The following ABHD14A variants were observed in gnomAD, a reference collection of about 807,000 sequenced individuals.
ABHD14A encodes abhydrolase domain containing 14A.
A neutral mutation model predicts 27.0 loss-of-function variants in ABHD14A; 19 were observed. That is an observed-to-expected ratio of 0.70 (90% confidence interval 0.49 to 1.03). The LOEUF (loss-of-function observed/expected upper bound fraction) is 1.03, where lower values mean the gene tolerates loss of function less well. Ranked by LOEUF, ABHD14A falls within the 50% of genes least tolerant of loss-of-function variation. The probability of loss-of-function intolerance (pLI) is 0.00; values close to 1 mark genes in which losing one functional copy is unlikely to be tolerated. For missense variants in ABHD14A, 311 were observed against 344.6 expected (o/e 0.90, Z 0.77); for synonymous variants, 148 against 158.8 (o/e 0.93, Z 0.51).
Position 51,976,556 on chromosome 3 carries a change from A to G in ABHD14A, c.70-1315A>G, listed in dbSNP as rs183122263. Among the ~76,000 whole-genome samples the G allele has an allele frequency of 1.6e-3, 245 of 152,286 alleles. 1 individual carries two copies. Among genetic ancestry groups the G allele is most frequent in the African/African-American group, 4.8e-3 (200 of 41,578 alleles). On this transcript the variant is annotated intron_variant, in intron 1 of 4. Transcript: ENST00000273596. ...CCGGGCGCGGTGGCGGGAGCCTGTA[A>G]TCCCACTATTCGGGAGGCTGAGGCA... is the stretch of plus-strand genomic sequence containing the variant.
At chr3:51,980,303 TG>T in intron 3 of ABHD14A, 89 bp from the exon 4 acceptor site, 1 of 1,187,862 alleles carries the variant, frequency 8.4e-7, no homozygotes, top group Non-Finnish European at 1.2e-6. Flanking sequence ...CCAGTGCCAG[TG>T]GTCCCCAACT....
intron 2 of ABHD14A, 48 bp from the exon 3 acceptor site, chr3:51,978,211 T>C (rs1200305361): frequency 6.5e-7 from 1 of 1,533,436 alleles, no homozygotes; most frequent in Admixed American, 2.0e-5. Context: ...TAAAGAAAGG[T>C]GGGCTACACC....
rs1006115737 is a variant in ABHD14A, at chr3:51,981,120, C to T, written c.*102C>T. 8 of 1,354,730 alleles carry T rather than the reference C, an allele frequency of 5.9e-6. No homozygotes were observed. Among genetic ancestry groups the T allele is most frequent in the African/African-American group, 1.5e-5 (1 of 66,742 alleles). 83.9% of individuals were successfully genotyped at this position (1,354,730 alleles called of 1,614,324 possible). A position where few individuals can be genotyped will look rare whatever the true frequency, so the allele number is the denominator to read the frequency against. The stretch of plus-strand genomic sequence containing the variant: ...AGCCTCTGGGATTGGAGGCCAGAGG[C>T]CAGGGTCAGACCCAGCCAGGACTCC... On this transcript the variant is annotated 3_prime_UTR_variant, in exon 5 of 5. Transcript: ENST00000273596.
intron 1 of ABHD14A, among the ~76,000 whole-genome samples, chr3:51,975,761 G>C (rs553401099): frequency 6.6e-6 from 1 of 152,304 alleles, no homozygotes; most frequent in East Asian, 1.9e-4. Context: ...GCGTGATGTA[G>C]AGGGTACCAT....
chr3:51,979,536 G>A (rs1700869354), intron 3 of ABHD14A, among the ~76,000 whole-genome samples: 2 of 148,968 alleles, frequency 1.3e-5, no homozygotes, highest in Non-Finnish European at 1.5e-5. Context: ...CCTGGCTGGA[G>A]TGCAGTGGCT....
intron 1 of ABHD14A, among the ~76,000 whole-genome samples, chr3:51,977,318 T>A (rs1282633768): frequency 1.3e-5 from 2 of 152,162 alleles, no homozygotes; most frequent in Admixed American, 6.6e-5. Context: ...CCTGCAAGGC[T>A]CCAGTTCATC....
chr3:51,979,239 C>T (rs763952388), intron 3 of ABHD14A, among the ~76,000 whole-genome samples: 2 of 152,152 alleles, frequency 1.3e-5, no homozygotes, highest in African/African-American at 2.4e-5. Context: ...AGGATCATGC[C>T]GGTCCCTACA....
rs1700760350 is a variant in ABHD14A, at chr3:51,975,214, C to T, written c.69+10C>T. 3.2e-6 allele frequency: 4 copies of T among 1,253,644 alleles called. No individual in the cohort carries two copies. Among genetic ancestry groups the T allele is most frequent in the Non-Finnish European group, 4.0e-6 (4 of 998,698 alleles). 77.7% of individuals were successfully genotyped at this position (1,253,644 alleles called of 1,614,324 possible). A position where few individuals can be genotyped will look rare whatever the true frequency, so the allele number is the denominator to read the frequency against. On this transcript the variant is annotated intron_variant, in intron 1 of 4. Transcript: ENST00000273596. Reference sequence around the variant, plus strand: ...CATCCCGTTGGGCCCGGTGAGTCTCCCGGGGGAGGGAGGCCGGCCGGTGGC... The same window carrying T: ...CATCCCGTTGGGCCCGGTGAGTCTCTCGGGGGAGGGAGGCCGGCCGGTGGC...
intron 3 of ABHD14A, chr3:51,978,822 C>T (rs560990702): frequency 1.2e-4 from 27 of 229,742 alleles, no homozygotes; most frequent in Non-Finnish European, 2.3e-4. Context: ...GAACTCCCGA[C>T]CTCAGGTGAT....
intron 3 of ABHD14A, 166 bp downstream of exon 3, chr3:51,978,540 A>G: frequency 4.3e-6 from 2 of 468,442 alleles, no homozygotes; most frequent in South Asian, 1.0e-4. Flanking sequence ...ATTCTAGGTC[A>G]TGGAGCAAAT....
At chr3:51,976,531 C>A (rs1177001917) in intron 1 of ABHD14A, among the ~76,000 whole-genome samples, 2 of 152,164 alleles carry the variant, frequency 1.3e-5, no homozygotes, top group African/African-American at 4.8e-5. Flanking sequence ...CAAAAATTAG[C>A]CGGGCGCGGT....
At chr3:51,977,826 A>G in intron 1 of ABHD14A, 45 bp from the exon 2 acceptor site, 1 of 1,550,554 alleles carries the variant, frequency 6.4e-7, no homozygotes, top group Non-Finnish European at 8.9e-7. Context: ...GGGTCCTTGT[A>G]GGGACTCAGT....
chr3:51,981,119 G>A lies in ABHD14A; in HGVS notation c.*101G>A. ...CAGCCTCTGGGATTGGAGGCCAGAG[G>A]CCAGGGTCAGACCCAGCCAGGACTC... On this transcript the variant is annotated 3_prime_UTR_variant, in exon 5 of 5. Transcript: ENST00000273596. 1 of 1,358,798 alleles carries A rather than the reference G, an allele frequency of 7.4e-7. No homozygotes were observed. Among genetic ancestry groups the A allele is most frequent in the Non-Finnish European group, 1.0e-6 (1 of 980,284 alleles). The allele number at this position is 1,358,798 out of a possible 1,614,324, so 84.2% of individuals were successfully genotyped here.
Position 51,975,087 on chromosome 3 carries a change from CT to C in ABHD14A, c.-48del, listed in dbSNP as rs1700752460. The C allele has an allele frequency of 7.8e-7, 1 of 1,275,040 alleles. No homozygotes were observed. Among genetic ancestry groups the C allele is most frequent in the African/African-American group, 1.6e-5 (1 of 64,404 alleles). The allele number at this position is 1,275,040 out of a possible 1,614,324, so 79.0% of individuals were successfully genotyped here. On this transcript the variant is annotated 5_prime_UTR_variant, in exon 1 of 5. It removes the in-frame stop codon of an upstream open reading frame in the 5' UTR. Coordinates refer to ENST00000273596, the MANE Select transcript of ABHD14A (RefSeq NM_015407.5). ...GCGCAGGCGCGCCGAGATGGCCGCG[CT>C]CCTGGCCGCCTAGAGCCGGAGCGGC...
chr3:51,981,075 C>A lies in ABHD14A; in HGVS notation c.*57C>A, dbSNP rs1700900484. The A allele has an allele frequency of 3.8e-6, 6 of 1,559,156 alleles. No individual in the cohort carries two copies. The highest frequency in any genetic ancestry group is 2.6e-6 in the Non-Finnish European group (3 of 1,141,194). Reference sequence around the variant, plus strand: ...GAGCTTGGACAGTCTGGACCGCCACCCTCCCTGAACCAGGGAGACAGCCTC... The same window carrying A: ...GAGCTTGGACAGTCTGGACCGCCACACTCCCTGAACCAGGGAGACAGCCTC... On this transcript the variant is annotated 3_prime_UTR_variant, in exon 5 of 5. Coordinates refer to ENST00000273596, the MANE Select transcript of ABHD14A (RefSeq NM_015407.5).
intron 3 of ABHD14A, among the ~76,000 whole-genome samples, chr3:51,979,823 C>T (rs1193430914): frequency 2.0e-5 from 3 of 151,886 alleles, no homozygotes; most frequent in Non-Finnish European, 4.4e-5. Context: ...TACTATCTCA[C>T]CCTCCAAAAA....
At chr3:51,978,111 G>A (rs1700827669) in intron 2 of ABHD14A, 29 bp downstream of exon 2, 1 of 1,602,508 alleles carries the variant, frequency 6.2e-7, no homozygotes, top group African/African-American at 1.3e-5. Flanking sequence ...GTCTAGTGGA[G>A]GGACTAGGCT....
intron 3 of ABHD14A, among the ~76,000 whole-genome samples, chr3:51,979,782 G>A (rs1700875368): frequency 6.6e-6 from 1 of 150,450 alleles, no homozygotes; most frequent in South Asian, 2.1e-4. Flanking sequence ...GCGCCCAGCT[G>A]CCAGGACATG....
intron 1 of ABHD14A, 112 bp downstream of exon 1, chr3:51,975,316 G>T: frequency 1.9e-6 from 2 of 1,065,692 alleles, no homozygotes; most frequent in East Asian, 6.5e-5. Flanking sequence ...GCAGACGCTG[G>T]GGCCGCGAAT....
Sources: allele counts gnomAD v4.1 joint callset (sites outside exome capture counted in the v4.1 genomes callset), GRCh38; gene constraint gnomAD v4.1.1; transcripts MANE v1.5; gene names NCBI Gene and HGNC (gene_info 2026-07-23, HGNC 2026-07-21).